Variants in ARHGAP40 observed in about 807,000 individuals in gnomAD.
ARHGAP40 encodes the protein rho GTPase-activating protein 40.
In ARHGAP40, 43 loss-of-function variants were observed where a neutral mutation model predicts 73.5. The ratio of observed to expected loss-of-function variants is 0.58; its 90% CI spans 0.46 to 0.75. ARHGAP40 has a LOEUF of 0.75. Among genes scored for constraint, ARHGAP40 ranks in the 30% least tolerant of loss-of-function variants. ARHGAP40 has a pLI of 0.00. For synonymous variants in ARHGAP40, 300 were observed against 352.8 expected (o/e 0.85, Z 1.68); for missense variants, 734 against 861.8 (o/e 0.85, Z 1.86).
chr20:38,650,527 G>A, exon 15 of ARHGAP40: 1 of 467,354 alleles, frequency 2.1e-6, no homozygotes, highest in South Asian at 1.6e-5. Context: ...GAAATGGACA[G>A]AGGAAGACTT....
intron 1 of ARHGAP40, among the ~76,000 whole-genome samples, chr20:38,620,466 A>G (rs2088868168): frequency 6.6e-6 from 1 of 152,214 alleles, no homozygotes; most frequent in Admixed American, 6.5e-5. Context: ...CTTAGCTATC[A>G]AATGGTGATA....
chr20:38,634,429 C>T (rs2088960365), intron 5 of ARHGAP40, among the ~76,000 whole-genome samples, 191 bp from the exon 6 acceptor site: 1 of 152,192 alleles, frequency 6.6e-6, no homozygotes, highest in Admixed American at 6.5e-5. Context: ...AGAATCAGAG[C>T]CTCAGAATGT....
intron 1 of ARHGAP40, chr20:38,614,970 G>GT (rs2088826210): frequency 4.1e-6 from 5 of 1,226,128 alleles, no homozygotes; most frequent in Admixed American, 1.7e-5. Context: ...GAGTTTGTAC[G>GT]TGTGGTTGAG....
chr20:38,649,138 T>C (rs907338924), intron 14 of ARHGAP40, among the ~76,000 whole-genome samples: 6 of 152,198 alleles, frequency 3.9e-5, no homozygotes, highest in Non-Finnish European at 8.8e-5. Context: ...TGTTTCCCTT[T>C]GCATTCTCTA....
At chr20:38,633,200 A>G (rs932769839) in intron 5 of ARHGAP40, among the ~76,000 whole-genome samples, 1 of 151,978 alleles carries the variant, frequency 6.6e-6, no homozygotes, top group African/African-American at 2.4e-5. Context: ...CAGGAGGATC[A>G]CTTGAGCCGA....
intron 1 of ARHGAP40, among the ~76,000 whole-genome samples, chr20:38,620,962 T>C (rs960338850): frequency 1.3e-5 from 2 of 152,148 alleles, no homozygotes; most frequent in Non-Finnish European, 2.9e-5. Flanking sequence ...CATTCAAACA[T>C]TGTTAAGAAT....
intron 2 of ARHGAP40, among the ~76,000 whole-genome samples, chr20:38,626,409 A>G (rs1354487832): frequency 2.0e-5 from 3 of 152,348 alleles, no homozygotes; most frequent in African/African-American, 7.2e-5. Context: ...CTCAGGCCCG[A>G]GGCCTGAACT....
chr20:38,634,090 G>C (rs568438350), intron 5 of ARHGAP40, among the ~76,000 whole-genome samples: 4 of 152,272 alleles, frequency 2.6e-5, no homozygotes, highest in African/African-American at 9.6e-5. Context: ...CGTGGCTCAT[G>C]CTTGTAATTC....
chr20:38,602,065 C>A, exon 1 of ARHGAP40: 2 of 1,285,618 alleles, frequency 1.6e-6, no homozygotes, highest in Non-Finnish European at 1.0e-6. Flanking sequence ...AGCGCTGGGC[C>A]GACCTGGGCT....
chr20:38,639,639 G>A (rs1187530463), intron 9 of ARHGAP40, among the ~76,000 whole-genome samples: 3 of 152,364 alleles, frequency 2.0e-5, no homozygotes, highest in African/African-American at 4.8e-5. Context: ...CTAAGGTTTT[G>A]CACACTACAG....
chr20:38,630,901 C>T (rs942261471), intron 5 of ARHGAP40, among the ~76,000 whole-genome samples: 1 of 152,138 alleles, frequency 6.6e-6, no homozygotes, highest in African/African-American at 2.4e-5. Context: ...TCTTTGACCA[C>T]GTGATGATGC....
chr20:38,637,957 G>C (rs2088987625), intron 7 of ARHGAP40, among the ~76,000 whole-genome samples, 158 bp downstream of exon 7: 1 of 152,142 alleles, frequency 6.6e-6, no homozygotes, highest in Admixed American at 6.5e-5. Flanking sequence ...CTGGCTCAGA[G>C]ACCTGGGGTG....
At chr20:38,634,486 C>A in intron 5 of ARHGAP40, 134 bp from the exon 6 acceptor site, 1 of 641,182 alleles carries the variant, frequency 1.6e-6, no homozygotes, top group Non-Finnish European at 2.4e-6. Context: ...TGAGGATGGA[C>A]TCCTCTTGAG....
intron 1 of ARHGAP40, among the ~76,000 whole-genome samples, chr20:38,606,035 C>T (rs777868348): frequency 4.6e-5 from 7 of 151,902 alleles, no homozygotes; most frequent in African/African-American, 1.7e-4. Context: ...CTATTTTTTT[C>T]ATTTTTGTAG....
rs568286082 is a variant in ARHGAP40 at position 38,608,577 on chromosome 20, T to C, written c.137+6498T>C. 1.9e-4 allele frequency among the ~76,000 whole-genome samples: 29 copies of C among 152,342 alleles called. 1 individual carries two copies. In the East Asian group the frequency reaches 5.6e-3, roughly 29 times the overall value. On this transcript the variant is annotated intron_variant, in intron 1 of 14. Coordinates refer to ENST00000373345, the Ensembl canonical transcript of ARHGAP40. ...TACTATCACACAATCACCCTGATTT[T>C]ATAGGCCGCACATCAAGAGGACAGA...
At chr20:38,621,356 T>C (rs1357674981) in intron 1 of ARHGAP40, among the ~76,000 whole-genome samples, 1 of 152,214 alleles carries the variant, frequency 6.6e-6, no homozygotes, top group Non-Finnish European at 1.5e-5. Flanking sequence ...ATTTGTGATA[T>C]TGATGAATAG....
At chr20:38,623,642 C>A in intron 2 of ARHGAP40, 84 bp downstream of exon 2, 1 of 1,121,064 alleles carries the variant, frequency 8.9e-7, no homozygotes, top group Non-Finnish European at 1.2e-6. Context: ...CAGATATGAA[C>A]CAGAACATGA....
chr20:38,606,042 G>A (rs1490361174), intron 1 of ARHGAP40, among the ~76,000 whole-genome samples: 1 of 151,816 alleles, frequency 6.6e-6, no homozygotes, highest in Non-Finnish European at 1.5e-5. Context: ...TTTCATTTTT[G>A]TAGAGACAGG....
intron 10 of ARHGAP40, among the ~76,000 whole-genome samples, chr20:38,642,199 A>G (rs907277285): frequency 2.0e-5 from 3 of 152,188 alleles, no homozygotes; most frequent in Non-Finnish European, 2.9e-5. Flanking sequence ...GCACTCTCCA[A>G]ACTCAGTTGA....
Sources: allele counts gnomAD v4.1 joint callset (sites outside exome capture counted in the v4.1 genomes callset), GRCh38; gene constraint gnomAD v4.1.1; transcripts MANE v1.5; gene names NCBI Gene and HGNC (gene_info 2026-07-23, HGNC 2026-07-21).